The following ANKS1B variants were observed in gnomAD, a reference collection of about 807,000 sequenced individuals.
ANKS1B encodes ankyrin repeat and sterile alpha motif domain containing 1B.
ANKS1B carries 36 observed loss-of-function variants against 148.3 expected under a neutral mutation model. The observed-to-expected ratio is 0.24, with a 90% CI of 0.19 to 0.32. The LOEUF (loss-of-function observed/expected upper bound fraction) is 0.32, where lower values mean the gene tolerates loss of function less well. Ranked by LOEUF, ANKS1B falls within the 10% of genes least tolerant of loss-of-function variation. ANKS1B has a pLI of 1.00. For missense variants in ANKS1B, 1,157 were observed against 1,542.6 expected (o/e 0.75, Z 4.19); for synonymous variants, 542 against 560.8 (o/e 0.97, Z 0.47).
At chr12:99,377,500 A>G (rs2093440214) in intron 12 of ANKS1B, among the ~76,000 whole-genome samples, 1 of 152,218 alleles carries the variant, frequency 6.6e-6, no homozygotes, top group Non-Finnish European at 1.5e-5. Flanking sequence ...AAATATTCAG[A>G]GCAAAAATAA....
At position 99,211,029 on chromosome 12, in the gene ANKS1B, T is replaced by C. The variant is rs773790559; in HGVS notation, c.2419+33313A>G. ...GCAATGGCAAAAACCACAATTATTT[T>C]GCACCAACCTAATAGAATGGCAAAA... On this transcript the variant is annotated intron_variant, in intron 14 of 26. Coordinates refer to ENST00000683438, the MANE Select transcript of ANKS1B (RefSeq NM_001352186.2). Among the ~76,000 whole-genome samples the C allele has an allele frequency of 3.1e-4, 47 of 152,306 alleles. No individual in the cohort carries two copies. The Middle Eastern group carries it at 0.014, about 44-fold the overall frequency.
In ANKS1B at chr12:99,141,592, CT is replaced by C. The variant is rs369395364; in HGVS notation, c.2526+12696del. 1.9e-4 allele frequency among the ~76,000 whole-genome samples: 29 copies of C among 151,932 alleles called. No homozygotes were observed. The East Asian group carries it at 2.5e-3, about 13-fold the overall frequency. On this transcript the variant is annotated intron_variant, in intron 15 of 26. Coordinates refer to ENST00000683438, the MANE Select transcript of ANKS1B (RefSeq NM_001352186.2). Reference sequence around the variant, plus strand: ...GCTCTCCCTCCCCCAACCCCCACCCCTGATAGGCCCCAGTGTGTGTTGTTCC... The same window carrying C: ...GCTCTCCCTCCCCCAACCCCCACCCCGATAGGCCCCAGTGTGTGTTGTTCC...
chr12:99,424,956 T>C (rs1392785059), intron 11 of ANKS1B, among the ~76,000 whole-genome samples: 1 of 151,988 alleles, frequency 6.6e-6, no homozygotes, highest in Non-Finnish European at 1.5e-5. Flanking sequence ...AGCCAACCTG[T>C]AACCAGCCGT....
At chr12:99,434,233 A>T (rs900365729) in intron 11 of ANKS1B, among the ~76,000 whole-genome samples, 6 of 152,140 alleles carry the variant, frequency 3.9e-5, no homozygotes, top group Admixed American at 2.0e-4. Context: ...GGAAGGATAG[A>T]CTATATTTCA....
At chr12:99,929,413 G>A (rs1464384296) in intron 1 of ANKS1B, among the ~76,000 whole-genome samples, 1 of 151,990 alleles carries the variant, frequency 6.6e-6, no homozygotes, top group East Asian at 1.9e-4. Context: ...TGTCAGATGA[G>A]TAGGTTGCAA....
At chr12:99,134,932 G>GA in intron 15 of ANKS1B, among the ~76,000 whole-genome samples, 1 of 152,068 alleles carries the variant, frequency 6.6e-6, no homozygotes, top group East Asian at 1.9e-4. Flanking sequence ...AATATGAACA[G>GA]AAAATCACAA....
chr12:98,823,400 C>G (rs1379484567), intron 19 of ANKS1B, among the ~76,000 whole-genome samples: 1 of 152,156 alleles, frequency 6.6e-6, no homozygotes, highest in Non-Finnish European at 1.5e-5. Flanking sequence ...TGATGAAAAT[C>G]TAAATTAAAT....
intron 12 of ANKS1B, among the ~76,000 whole-genome samples, chr12:99,365,817 T>G (rs1014424437): frequency 6.6e-6 from 1 of 151,994 alleles, no homozygotes; most frequent in Non-Finnish European, 1.5e-5. Flanking sequence ...ATATTAATAG[T>G]ACAAGAGTTC....
At chr12:99,625,000 G>A in intron 9 of ANKS1B, among the ~76,000 whole-genome samples, 1 of 152,018 alleles carries the variant, frequency 6.6e-6, no homozygotes, top group East Asian at 1.9e-4. Flanking sequence ...CAACCCAGGT[G>A]CCTATCAATG....
At chr12:99,895,311 A>G (rs183425543) in intron 1 of ANKS1B, among the ~76,000 whole-genome samples, 1 of 150,418 alleles carries the variant, frequency 6.6e-6, no homozygotes, top group Admixed American at 6.7e-5. Flanking sequence ...AACGGGATAG[A>G]GAAATCTAGA....
At chr12:99,151,145 G>A (rs551951899) in intron 15 of ANKS1B, among the ~76,000 whole-genome samples, 128 of 152,166 alleles carry the variant, frequency 8.4e-4, no homozygotes, top group African/African-American at 3.0e-3. Flanking sequence ...TTGAAATTTT[G>A]TCTTTAAGAT....
intron 10 of ANKS1B, among the ~76,000 whole-genome samples, chr12:99,450,835 A>G (rs559417435): frequency 3.2e-4 from 48 of 152,354 alleles, no homozygotes; most frequent in African/African-American, 1.1e-3. Flanking sequence ...ATTTAATAAT[A>G]TGAAGAAAGC....
chr12:99,780,118 T>TACACACACACATGCGCACACAC (rs1420238815), intron 5 of ANKS1B, 146 bp from the exon 6 acceptor site: 12 of 614,702 alleles, frequency 2.0e-5, no homozygotes, highest in Admixed American at 9.6e-5. Context: ...CACACACACA[T>TACACACACACATGCGCACACAC]ACACACACAC....
intron 17 of ANKS1B, among the ~76,000 whole-genome samples, chr12:99,051,971 C>A (rs1032532766): frequency 3.0e-4 from 45 of 152,166 alleles, no homozygotes; most frequent in Non-Finnish European, 5.3e-4. Flanking sequence ...CACTTTTGAA[C>A]CAGCAGAAAC....
At chr12:99,430,578 G>C (rs1402294787) in intron 11 of ANKS1B, among the ~76,000 whole-genome samples, 1 of 152,172 alleles carries the variant, frequency 6.6e-6, no homozygotes, top group Non-Finnish European at 1.5e-5. Flanking sequence ...AATACCATTA[G>C]AGTAACATCC....
At chr12:99,230,105 T>A (rs1169019201) in intron 14 of ANKS1B, among the ~76,000 whole-genome samples, 1 of 152,078 alleles carries the variant, frequency 6.6e-6, no homozygotes, top group East Asian at 1.9e-4. Context: ...AGCCTCCCAA[T>A]AATATTGAAG....
At chr12:99,399,495 A>C (rs1405080743) in intron 12 of ANKS1B, 136 bp downstream of exon 12, 1 of 839,500 alleles carries the variant, frequency 1.2e-6, no homozygotes, top group Non-Finnish European at 1.8e-6. Context: ...AAGAATCTTA[A>C]AGCCCTACAT....
chr12:98,998,021 C>A (rs1383220526), intron 17 of ANKS1B, among the ~76,000 whole-genome samples: 1 of 152,272 alleles, frequency 6.6e-6, no homozygotes, highest in South Asian at 2.1e-4. Flanking sequence ...TGGTTTGGAA[C>A]CTTTTCAAGG....
At chr12:98,738,840 T>C (rs930215373) in intron 9 of ANKS1B, among the ~76,000 whole-genome samples, 2 of 152,212 alleles carry the variant, frequency 1.3e-5, no homozygotes, top group African/African-American at 2.4e-5. Flanking sequence ...GATGTTCTTA[T>C]ATTCACCTTC....
Sources: gnomAD v4.1 joint callset for allele counts (sites outside exome capture counted in the v4.1 genomes callset) on GRCh38, gnomAD v4.1.1 for gene constraint, MANE v1.5 for transcripts, NCBI Gene and HGNC (gene_info 2026-07-23, HGNC 2026-07-21) for gene names.